The following GATA3 variants were observed in gnomAD, a reference collection of about 807,000 sequenced individuals.
GATA3 encodes trans-acting T-cell-specific transcription factor GATA-3.
GATA3 carries 6 observed loss-of-function variants against 36.0 expected under a neutral mutation model. That is an observed-to-expected ratio of 0.17 (90% CI 0.09 to 0.33). GATA3 has a LOEUF of 0.33. Among genes scored for constraint, GATA3 ranks in the 10% least tolerant of loss-of-function variants. GATA3 has a pLI of 1.00. For synonymous variants in GATA3, 326 were observed against 273.0 expected (o/e 1.19, Z -1.92); for missense variants, 514 against 610.1 (o/e 0.84, Z 1.66).
At chr10:8,056,346 C>T (rs1291730313) in intron 2 of GATA3, among the ~76,000 whole-genome samples, 3 of 152,164 alleles carry the variant, frequency 2.0e-5, no homozygotes, top group Non-Finnish European at 4.4e-5. Flanking sequence ...TACCCGCTAG[C>T]TCTTTCTAGG....
chr10:8,062,657 C>T (rs910380998), intron 3 of GATA3, among the ~76,000 whole-genome samples: 8 of 152,144 alleles, frequency 5.3e-5, no homozygotes, highest in African/African-American at 1.4e-4. Flanking sequence ...CCCAGTGGTC[C>T]GGGCAGGTTG....
chr10:8,051,898 G>T (rs1422681137), upstream of GATA3, among the ~76,000 whole-genome samples: 2 of 152,108 alleles, frequency 1.3e-5, no homozygotes, highest in Non-Finnish European at 2.9e-5. Flanking sequence ...CTCCAGCCTC[G>T]CTCCCTTCCC....
rs1832989807 is a variant in GATA3 at position 8,074,832 on chromosome 10, T to G, written c.*809T>G. On this transcript the variant is annotated 3_prime_UTR_variant, in exon 6 of 6. Coordinates refer to ENST00000379328, the MANE Select transcript of GATA3 (RefSeq NM_001002295.2). Reference sequence around the variant, plus strand: ...AACTGCTTTCTTTCGTTTGTTTGTTTCAATATTTTCCTTCTCTCTCAATTT... The same window carrying G: ...AACTGCTTTCTTTCGTTTGTTTGTTGCAATATTTTCCTTCTCTCTCAATTT... 1 of 233,798 alleles carries G rather than the reference T, an allele frequency of 4.3e-6. No homozygotes were observed. The highest frequency in any genetic ancestry group is 8.5e-6 in the Non-Finnish European group (1 of 118,068). The allele number at this position is 233,798 out of a possible 1,614,324, so 14.5% of individuals were successfully genotyped here.
intron 4 of GATA3, among the ~76,000 whole-genome samples, chr10:8,065,071 AGTC>A (rs1832813132): frequency 6.6e-6 from 1 of 152,122 alleles, no homozygotes; most frequent in Non-Finnish European, 1.5e-5. Context: ...ACATTCACCA[AGTC>A]GAGATGGGAG....
intron 2 of GATA3, among the ~76,000 whole-genome samples, chr10:8,056,314 CA>C (rs1463187628): frequency 1.3e-5 from 2 of 150,174 alleles, no homozygotes; most frequent in South Asian, 4.4e-4. Context: ...CCGGCTCTTC[CA>C]AAAAACCTGG....
intron 4 of GATA3, among the ~76,000 whole-genome samples, chr10:8,066,450 CTTTTTTT>C: frequency 9.9e-6 from 1 of 101,280 alleles, no homozygotes; most frequent in East Asian, 3.5e-4. Context: ...TTCTTTCTTT[CTTTTTTT>C]TTTTTAGCCC....
chr10:8,062,035 G>A (rs1832757528), intron 3 of GATA3, among the ~76,000 whole-genome samples: 1 of 152,014 alleles, frequency 6.6e-6, no homozygotes. Flanking sequence ...ACACAAAAAG[G>A]CAGGCCTGCG....
At chr10:8,063,268 G>A (rs1017921800) in intron 3 of GATA3, among the ~76,000 whole-genome samples, 2 of 151,656 alleles carry the variant, frequency 1.3e-5, no homozygotes, top group African/African-American at 4.9e-5. Context: ...CCTAAAGTTT[G>A]CATTTCCCCC....
upstream of GATA3, among the ~76,000 whole-genome samples, chr10:8,049,951 C>G (rs567517544): frequency 6.6e-6 from 1 of 152,188 alleles, no homozygotes; most frequent in African/African-American, 2.4e-5. Context: ...ACCTCCGCGG[C>G]GGCCACAGCT....
chr10:8,066,444 T>G, intron 4 of GATA3, among the ~76,000 whole-genome samples: 1 of 146,454 alleles, frequency 6.8e-6, no homozygotes, highest in East Asian at 2.1e-4. Flanking sequence ...CTTTCTTTCT[T>G]TCTTTCTTTT....
upstream of GATA3, among the ~76,000 whole-genome samples, chr10:8,054,068 G>GGAC (rs1832568721): frequency 6.6e-6 from 1 of 152,128 alleles, no homozygotes; most frequent in African/African-American, 2.4e-5. This position sits in a 1 kb window ranked among gnomAD's most constrained non-coding sequence, Gnocchi z 4.2. Context: ...AAATTGACGC[G>GGAC]GACGCTCCAG....
upstream of GATA3, chr10:8,052,703 A>G (rs1352446147): frequency 2.0e-5 from 3 of 152,132 alleles, no homozygotes; most frequent in Non-Finnish European, 2.9e-5. Context: ...CTCCTTGTTT[A>G]TGGAGAGGTT....
chr10:8,050,973 A>T (rs961463552), upstream of GATA3: 3 of 486,828 alleles, frequency 6.2e-6, no homozygotes, highest in African/African-American at 5.9e-5. Flanking sequence ...CTCGCCTGGA[A>T]GCGCCGGTTG....
At position 8,067,557 on chromosome 10, in the gene GATA3, T is replaced by G. The variant is rs543881031; in HGVS notation, c.925-1916T>G. On this transcript the variant is annotated intron_variant, in intron 4 of 5. Coordinates refer to ENST00000379328, the MANE Select transcript of GATA3 (RefSeq NM_001002295.2). ...TCCCAGGCCGGGTGCGGTGGCTCAC[T>G]CCTGTAATCCCAGCACTTTGGGAGG... 3.0e-4 allele frequency among the ~76,000 whole-genome samples: 45 copies of G among 152,234 alleles called. No individual in the cohort carries two copies. The East Asian group carries it at 6.6e-3, about 22-fold the overall frequency.
Position 8,058,725 on chromosome 10 carries a change from C to T in GATA3, c.662C>T (p.Thr221Ile), listed in dbSNP as rs1281016276. Residue 221 changes from threonine (T) to isoleucine (I), a missense_variant, in exon 3 of 6, where the codon ACC becomes ATC. Physicochemically the swap from Thr to Ile is moderately conservative, Grantham distance 89. Transcript: ENST00000379328. The stretch of plus-strand genomic sequence containing the variant: ...TCGTCGACCCACCACCCCATCACCA[C>T]CTACCCGCCCTACGTGCCCGAGTAC... ...ASSSTHHPIT[T>I]YPPYVPEYSS... 7.4e-6 allele frequency: 12 copies of T among 1,612,452 alleles called. No homozygotes were observed. Among genetic ancestry groups the T allele is most frequent in the Non-Finnish European group, 9.3e-6 (11 of 1,179,952 alleles).
chr10:8,069,716 A>G (rs1832901170), intron 5 of GATA3, 118 bp downstream of exon 5: 2 of 1,236,398 alleles, frequency 1.6e-6, no homozygotes, highest in African/African-American at 1.5e-5. Context: ...ACAGGTTCCA[A>G]ATAATTGATG....
intron 3 of GATA3, among the ~76,000 whole-genome samples, chr10:8,062,428 G>T (rs551842537): frequency 2.6e-5 from 4 of 151,052 alleles, no homozygotes; most frequent in African/African-American, 9.7e-5. Context: ...ACTTTCAAGG[G>T]TGCAAGACCC....
chr10:8,058,178 C>T (rs1162832927), intron 2 of GATA3, 127 bp from the exon 3 acceptor site: 5 of 1,026,904 alleles, frequency 4.9e-6, no homozygotes, highest in Non-Finnish European at 7.3e-6. Context: ...AGAGAGTGGG[C>T]CTGAGCCCGG....
intron 4 of GATA3, among the ~76,000 whole-genome samples, chr10:8,069,020 G>C (rs1832888881): frequency 6.6e-6 from 1 of 152,218 alleles, no homozygotes; most frequent in South Asian, 2.1e-4. Context: ...GCCTGTTTGA[G>C]GATGGATATT....
Sources: allele counts gnomAD v4.1 joint callset (sites outside exome capture counted in the v4.1 genomes callset), GRCh38; gene constraint gnomAD v4.1.1; non-coding constraint Gnocchi (gnomAD v3.1); transcripts MANE v1.5; gene names NCBI Gene and HGNC (gene_info 2026-07-23, HGNC 2026-07-21).